The following RFX2 variants were observed in gnomAD, a reference collection of about 807,000 sequenced individuals.
RFX2 encodes DNA-binding protein RFX2.
Under a neutral mutation model 87.8 loss-of-function variants are expected in RFX2, and 20 were observed. The ratio of observed to expected loss-of-function variants is 0.23; its 90% CI spans 0.16 to 0.33. The LOEUF is 0.33. Ranked by LOEUF, RFX2 falls within the 10% of genes least tolerant of loss-of-function variation. RFX2 has a pLI of 1.00. For synonymous variants in RFX2, 397 were observed against 431.3 expected (o/e 0.92, Z 0.98); for missense variants, 767 against 1,012.3 (o/e 0.76, Z 3.29).
Position 6,026,277 on chromosome 19 carries a change from G to T in RFX2, c.523-40C>A, listed in dbSNP as rs1465672088. The T allele has an allele frequency of 1.7e-6, 2 of 1,194,572 alleles. No individual in the cohort carries two copies. The highest frequency in any genetic ancestry group is 2.3e-6 in the Non-Finnish European group (2 of 858,170). 74.0% of individuals were successfully genotyped at this position (1,194,572 alleles called of 1,614,324 possible). ...TGCAGAAACAAAACAAAACAAAATG[G>T]AAAAAAAAAAAAAGGAAATCAGATG... On this transcript the variant is annotated intron_variant, in intron 5 of 17. Coordinates refer to ENST00000303657, the MANE Select transcript of RFX2 (RefSeq NM_000635.4). This position sits in a 1 kb window ranked among gnomAD's most constrained non-coding sequence, Gnocchi z 4.5.
At chr19:6,079,566 A>C (rs747575622) in intron 1 of RFX2, among the ~76,000 whole-genome samples, 3 of 152,200 alleles carry the variant, frequency 2.0e-5, no homozygotes, top group Non-Finnish European at 4.4e-5. Context: ...CTTGCTCTCC[A>C]TCCTGTTTGA....
chr19:6,019,544 G>GTGTGTGTGTGTATA (rs386388444), intron 6 of RFX2, among the ~76,000 whole-genome samples: 14 of 143,172 alleles, frequency 9.8e-5, no homozygotes, highest in African/African-American at 3.5e-4. Flanking sequence ...GTGTGTGTGT[G>GTGTGTGTGTGTATA]TATATACTTT....
At position 6,001,219 on chromosome 19, in the gene RFX2, C is replaced by T. The variant is rs796805744; in HGVS notation, c.1859+596G>A. 6.3e-4 allele frequency among the ~76,000 whole-genome samples: 96 copies of T among 152,250 alleles called. No homozygotes were observed. The highest frequency in any genetic ancestry group is 2.1e-3 in the African/African-American group (86 of 41,534). On this transcript the variant is annotated intron_variant, in intron 15 of 17. Coordinates refer to ENST00000303657, the MANE Select transcript of RFX2 (RefSeq NM_000635.4). The surrounding 1 kb of genome is among the most constrained non-coding windows in gnomAD (Gnocchi z 5.6). ...TGGTTGTTTCTCAAACTTGGTGTTT[C>T]GATATTTCACCAGGAGCCTCCTTGT... is the stretch of plus-strand genomic sequence containing the variant.
At chr19:6,081,868 A>G (rs2087790097) in intron 1 of RFX2, among the ~76,000 whole-genome samples, 1 of 152,228 alleles carries the variant, frequency 6.6e-6, no homozygotes. Flanking sequence ...CGGGCAGATC[A>G]TGAGGTCAGG....
chr19:6,085,991 C>G (rs552816672), intron 1 of RFX2, among the ~76,000 whole-genome samples: 29 of 146,796 alleles, frequency 2.0e-4, no homozygotes, highest in African/African-American at 7.3e-4. Context: ...AGTTGGGAGG[C>G]AGAAGCAGGA....
chr19:6,010,266 C>G lies in RFX2; in HGVS notation c.900-15G>C, dbSNP rs775700109. On this transcript the variant is annotated splice_polypyrimidine_tract_variant and intron_variant, in intron 8 of 17. Transcript: ENST00000303657. The surrounding 1 kb of genome is among the most constrained non-coding windows in gnomAD (Gnocchi z 5.0). ...CTGGCCGGTACCTAGGCCAGGAACA[C>G]GCATACCATCATGAGGCCCAGCAGC... 1.3e-6 allele frequency: 2 copies of G among 1,519,782 alleles called. No homozygotes were observed. The highest frequency in any genetic ancestry group is 1.2e-5 in the South Asian group (1 of 83,448). 94.1% of individuals were successfully genotyped at this position (1,519,782 alleles called of 1,614,324 possible). A position where few individuals can be genotyped will look rare whatever the true frequency, so the allele number is the denominator to read the frequency against.
chr19:6,036,654 T>C (rs1199752139), intron 5 of RFX2, among the ~76,000 whole-genome samples: 1 of 152,202 alleles, frequency 6.6e-6, no homozygotes, highest in East Asian at 1.9e-4. Context: ...GATGCTTACA[T>C]ATGTAAAAAA....
chr19:6,097,259 G>T (rs571790936), intron 1 of RFX2, among the ~76,000 whole-genome samples: 62 of 152,306 alleles, frequency 4.1e-4, no homozygotes, highest in Non-Finnish European at 7.8e-4. Flanking sequence ...TTTCTGGCAA[G>T]AGCAGGGTGC....
chr19:6,088,490 C>T (rs1463727747), intron 1 of RFX2, among the ~76,000 whole-genome samples: 1 of 151,502 alleles, frequency 6.6e-6, no homozygotes, highest in African/African-American at 2.4e-5. Flanking sequence ...GGATTCCAGG[C>T]TTGAGTCACC....
At chr19:6,014,843 G>T (rs1332096363) in intron 7 of RFX2, among the ~76,000 whole-genome samples, 1 of 152,176 alleles carries the variant, frequency 6.6e-6, no homozygotes, top group Non-Finnish European at 1.5e-5. Flanking sequence ...GGTCCTCGTG[G>T]ATCCACCGCC....
At chr19:6,053,035 GACAA>G (rs1462771403) in intron 1 of RFX2, among the ~76,000 whole-genome samples, 4 of 151,486 alleles carry the variant, frequency 2.6e-5, no homozygotes, top group African/African-American at 7.3e-5. Flanking sequence ...TATATAGAAA[GACAA>G]ACAAACTAAA....
At chr19:6,032,557 A>G (rs2086966241) in intron 5 of RFX2, among the ~76,000 whole-genome samples, 1 of 152,246 alleles carries the variant, frequency 6.6e-6, no homozygotes, top group African/African-American at 2.4e-5. Flanking sequence ...AGAGGAGGCC[A>G]GCAGGGCTGA....
intron 1 of RFX2, among the ~76,000 whole-genome samples, chr19:6,049,796 G>T (rs1157111804): frequency 2.0e-5 from 3 of 152,202 alleles, no homozygotes; most frequent in African/African-American, 4.8e-5. Flanking sequence ...CCAAAGTGCT[G>T]GGATTACAGG....
At chr19:6,109,417 A>G (rs1199320301) in intron 1 of RFX2, 1 of 151,994 alleles carries the variant, frequency 6.6e-6, no homozygotes, top group Non-Finnish European at 1.5e-5. Flanking sequence ...TCGCTCGGGG[A>G]GTTTGGGATG....
intron 5 of RFX2, among the ~76,000 whole-genome samples, chr19:6,034,266 G>A (rs2144750727): frequency 7.6e-6 from 1 of 130,870 alleles, no homozygotes; most frequent in South Asian, 2.4e-4. Context: ...GTCTCATTCT[G>A]TTACCAGGCT....
chr19:6,059,380 A>C (rs2087395545), intron 1 of RFX2, among the ~76,000 whole-genome samples: 1 of 152,206 alleles, frequency 6.6e-6, no homozygotes, highest in African/African-American at 2.4e-5. Context: ...TACCAAATTC[A>C]GGGTGAATTT....
chr19:6,014,264 C>T (rs1285300950), intron 7 of RFX2, among the ~76,000 whole-genome samples: 1 of 152,056 alleles, frequency 6.6e-6, no homozygotes, highest in African/African-American at 2.4e-5. Flanking sequence ...GAGACAGTCT[C>T]ACTCTGTTGC....
Position 6,017,913 on chromosome 19 carries a change from C to CCCCATCCCCA in RFX2, c.598-1652_598-1643dup, listed in dbSNP as rs1164355170. 7.2e-6 allele frequency among the ~76,000 whole-genome samples: 1 copy of CCCCATCCCCA among 137,966 alleles called. No individual in the cohort carries two copies. Among genetic ancestry groups the CCCCATCCCCA allele is most frequent in the Non-Finnish European group, 1.6e-5 (1 of 64,174 alleles). The allele number at this position is 137,966 out of a possible 152,430, so 90.5% of individuals were successfully genotyped here. A position where few individuals can be genotyped will look rare whatever the true frequency, so the allele number is the denominator to read the frequency against. ...ACTGTCACGTTTGCCTGTCTGTTTG[C>CCCCATCCCCA]CCCATCCCCACCCCCCCAACTCAGC... On this transcript the variant is annotated intron_variant, in intron 6 of 17. Transcript: ENST00000303657. This position sits in a 1 kb window ranked among gnomAD's most constrained non-coding sequence, Gnocchi z 4.1.
rs1219277410 is a variant in RFX2, at chr19:6,022,968, C to G, written c.597+3195G>C. On this transcript the variant is annotated intron_variant, in intron 6 of 17. Coordinates refer to ENST00000303657, the MANE Select transcript of RFX2 (RefSeq NM_000635.4). This position sits in a 1 kb window ranked among gnomAD's most constrained non-coding sequence, Gnocchi z 6.2. ...CCAGCTCCGCGGAACACGTGGCCAG[C>G]TCCGCTCAGAGATGTCTGTGAGGGG... is the stretch of plus-strand genomic sequence containing the variant. 3 of 152,364 alleles carry G rather than the reference C, an allele frequency of 2.0e-5. No individual in the cohort carries two copies. Among genetic ancestry groups the G allele is most frequent in the African/African-American group, 7.2e-5 (3 of 41,468 alleles). 9.4% of individuals were successfully genotyped at this position (152,364 alleles called of 1,614,324 possible).
Sources: allele counts gnomAD v4.1 joint callset (sites outside exome capture counted in the v4.1 genomes callset), GRCh38; gene constraint gnomAD v4.1.1; non-coding constraint Gnocchi (gnomAD v3.1); transcripts MANE v1.5; gene names NCBI Gene and HGNC (gene_info 2026-07-23, HGNC 2026-07-21).